SLC6A5: variants seen among roughly 807,000 people sequenced by gnomAD.
The protein encoded by SLC6A5 is sodium- and chloride-dependent glycine transporter 2.
In SLC6A5, 58 loss-of-function variants were observed where a neutral mutation model predicts 90.5. The ratio of observed to expected loss-of-function variants is 0.64; its 90% confidence interval spans 0.52 to 0.80. The LOEUF is 0.80. SLC6A5 is among the 30% of genes least tolerant of loss of function. SLC6A5 has a pLI of 0.00. For synonymous variants in SLC6A5, 427 were observed against 401.4 expected (o/e 1.06, Z -0.76); for missense variants, 1,015 against 1,017.6 (o/e 1.00, Z 0.03).
In SLC6A5 at chr11:20,618,085, G is replaced by A. The variant is rs11025654; in HGVS notation, c.1260+201G>A. Among the ~76,000 whole-genome samples, 12,894 of 150,898 alleles carry A rather than the reference G, an allele frequency of 0.085. 734 individuals carry two copies. Among genetic ancestry groups the A allele is most frequent in the Non-Finnish European group, 0.12 (8,055 of 67,854 alleles). On this transcript the variant is annotated intron_variant, in intron 7 of 15. Coordinates refer to ENST00000525748, the MANE Select transcript of SLC6A5 (RefSeq NM_004211.5). ...ACCTTTCTTGCAGGGCTGTTTTAAG[G>A]GTTAAATGAGACACATATATACAGA... is the stretch of plus-strand genomic sequence containing the variant.
At chr11:20,633,088 AAGTT>A (rs1300328228) in intron 10 of SLC6A5, among the ~76,000 whole-genome samples, 1 of 152,122 alleles carries the variant, frequency 6.6e-6, no homozygotes, top group Non-Finnish European at 1.5e-5. Context: ...GCTTCCAGGA[AAGTT>A]AGCCCTTCAG....
intron 5 of SLC6A5, among the ~76,000 whole-genome samples, chr11:20,614,074 C>T (rs570124252): frequency 2.9e-4 from 44 of 152,276 alleles, no homozygotes; most frequent in African/African-American, 1.1e-3. Context: ...TGCTTACCCA[C>T]GTGAGAGTAG....
rs1306900053 is a variant in SLC6A5, at chr11:20,655,373, A to G, written c.*505A>G. 4.5e-5 allele frequency: 9 copies of G among 202,070 alleles called. No individual in the cohort carries two copies. The highest frequency in any genetic ancestry group is 8.2e-5 in the Non-Finnish European group (8 of 97,948). The allele number at this position is 202,070 out of a possible 1,614,324, so 12.5% of individuals were successfully genotyped here. Reference sequence around the variant, plus strand: ...TAGCAGTGGTCAGAAAATGTTTTGGATGTAAGACAAGACCATTCAATTTGG... The same window carrying G: ...TAGCAGTGGTCAGAAAATGTTTTGGGTGTAAGACAAGACCATTCAATTTGG... On this transcript the variant is annotated 3_prime_UTR_variant, in exon 16 of 16. Coordinates refer to ENST00000525748, the MANE Select transcript of SLC6A5 (RefSeq NM_004211.5).
At chr11:20,628,642 A>G (rs958894226) in intron 9 of SLC6A5, among the ~76,000 whole-genome samples, 2 of 152,216 alleles carry the variant, frequency 1.3e-5, no homozygotes, top group African/African-American at 2.4e-5. Context: ...GGAAGACACA[A>G]TTCAGTTCAA....
intron 10 of SLC6A5, among the ~76,000 whole-genome samples, chr11:20,632,630 G>A (rs1853128940): frequency 6.6e-6 from 1 of 152,134 alleles, no homozygotes; most frequent in Admixed American, 6.5e-5. Flanking sequence ...CAGACCCACT[G>A]GGGAAGCTTT....
chr11:20,639,148 C>A lies in SLC6A5; in HGVS notation c.1969+590C>A, dbSNP rs546683490. 1.3e-3 allele frequency among the ~76,000 whole-genome samples: 199 copies of A among 152,256 alleles called. 1 individual carries two copies. Among genetic ancestry groups the A allele is most frequent in the African/African-American group, 4.7e-3 (195 of 41,558 alleles). ...ATATCAGTGGGGCCATTATCAACAA[C>A]AGAAATGGTGAGCTATCAGATGCCA... On this transcript the variant is annotated intron_variant, in intron 13 of 15. Transcript: ENST00000525748.
intron 15 of SLC6A5, 55 bp downstream of exon 15, chr11:20,652,511 A>C: frequency 1.3e-6 from 2 of 1,524,244 alleles, no homozygotes; most frequent in Non-Finnish European, 1.8e-6. Context: ...AGCCCATAAA[A>C]GCTCTGCATG....
chr11:20,613,136 C>G (rs1852724108), intron 5 of SLC6A5, among the ~76,000 whole-genome samples: 1 of 152,194 alleles, frequency 6.6e-6, no homozygotes, highest in African/African-American at 2.4e-5. Context: ...TGTTTACATC[C>G]TGTCTTGATG....
chr11:20,620,823 G>A (rs1188167334), intron 7 of SLC6A5, among the ~76,000 whole-genome samples: 2 of 151,798 alleles, frequency 1.3e-5, no homozygotes, highest in Non-Finnish European at 2.9e-5. Context: ...TTATTGAGAT[G>A]GAGTCTCGCT....
intron 7 of SLC6A5, among the ~76,000 whole-genome samples, chr11:20,621,238 C>T (rs974021445): frequency 6.6e-6 from 1 of 152,186 alleles, no homozygotes; most frequent in Admixed American, 6.5e-5. Flanking sequence ...TCAGAATCTG[C>T]ATTTCTACCC....
intron 7 of SLC6A5, among the ~76,000 whole-genome samples, chr11:20,625,553 C>T (rs374867553): frequency 2.0e-4 from 30 of 152,150 alleles, no homozygotes; most frequent in Non-Finnish European, 2.8e-4. Context: ...TAAGCCACCG[C>T]GCCCGGCCTC....
chr11:20,610,271 C>A (rs558453736), intron 5 of SLC6A5, among the ~76,000 whole-genome samples: 1 of 151,792 alleles, frequency 6.6e-6, no homozygotes, highest in East Asian at 1.9e-4. Flanking sequence ...CCCGAAGGCT[C>A]CGGGCGCTGG....
chr11:20,600,366 GA>G (rs1852440047), intron 1 of SLC6A5, among the ~76,000 whole-genome samples: 1 of 148,396 alleles, frequency 6.7e-6, no homozygotes, highest in Non-Finnish European at 1.5e-5. Flanking sequence ...AGAAGAAGAA[GA>G]AGAAGAAGAA....
chr11:20,651,266 C>T (rs887620656), intron 14 of SLC6A5, among the ~76,000 whole-genome samples: 2 of 137,076 alleles, frequency 1.5e-5, no homozygotes, highest in Non-Finnish European at 3.1e-5. Context: ...TCTCCCCCAC[C>T]CCTCCTATGC....
chr11:20,603,376 G>A (rs1398525249), intron 2 of SLC6A5, among the ~76,000 whole-genome samples: 1 of 152,176 alleles, frequency 6.6e-6, no homozygotes, highest in Non-Finnish European at 1.5e-5. Context: ...CCCCAAGAAA[G>A]CATCTTCGTG....
In SLC6A5 at chr11:20,654,995, G is replaced by T; in HGVS notation, c.*127G>T. The stretch of plus-strand genomic sequence containing the variant: ...TACATCTTGGTTCACATCCACGCAT[G>T]AGAGTGATTATGTAGAAAAGTAGGC... On this transcript the variant is annotated 3_prime_UTR_variant, in exon 16 of 16. Coordinates refer to ENST00000525748, the MANE Select transcript of SLC6A5 (RefSeq NM_004211.5). 3 of 1,015,100 alleles carry T rather than the reference G, an allele frequency of 3.0e-6. No homozygotes were observed. Among genetic ancestry groups the T allele is most frequent in the Non-Finnish European group, 4.7e-6 (3 of 637,000 alleles). The allele number at this position is 1,015,100 out of a possible 1,614,324, so 62.9% of individuals were successfully genotyped here. A position where few individuals can be genotyped will look rare whatever the true frequency, so the allele number is the denominator to read the frequency against.
At position 20,601,276 on chromosome 11, in the gene SLC6A5, G is replaced by T; in HGVS notation, c.151G>T (p.Val51Leu). The T allele has an allele frequency of 1.3e-6, 2 of 1,587,872 alleles. No individual in the cohort carries two copies. The highest frequency in any genetic ancestry group is 1.7e-6 in the Non-Finnish European group (2 of 1,173,588). The change falls in exon 2 of 16, where the codon GTG (valine) becomes TTG (leucine). Residue 51 changes from valine (V) to leucine (L), a missense_variant. By Grantham distance (32) the Val-to-Leu change is conservative (BLOSUM62 1). Around this residue, in one of 3 missense-constraint regions of SLC6A5, gnomAD observed 567 missense variants for 507.3 expected, o/e 1.12. Transcript: ENST00000525748. ...PAAAAPPPPR[V>L]PRSASTGAQT... ...GGCTGCCGCCCCGCCGCCGCCACGT[G>T]TGCCCAGGTCCGCTTCCACCGGCGC...
chr11:20,627,727 T>C (rs1476281656), intron 8 of SLC6A5, among the ~76,000 whole-genome samples: 1 of 152,218 alleles, frequency 6.6e-6, no homozygotes, highest in Non-Finnish European at 1.5e-5. Flanking sequence ...GGAGAGAACA[T>C]ATGAGCATGG....
At chr11:20,635,417 AC>A (rs1853187109) in intron 10 of SLC6A5, among the ~76,000 whole-genome samples, 2 of 152,062 alleles carry the variant, frequency 1.3e-5, no homozygotes, top group Non-Finnish European at 2.9e-5. Context: ...CCGCAACCCG[AC>A]TAACTACTAG....
Sources: allele counts gnomAD v4.1 joint callset (sites outside exome capture counted in the v4.1 genomes callset), GRCh38; gene constraint gnomAD v4.1.1; regional missense constraint gnomAD v4.1.1; transcripts MANE v1.5; gene names NCBI Gene and HGNC (gene_info 2026-07-23, HGNC 2026-07-21).